SUMF1: variants seen among roughly 807,000 people sequenced by gnomAD.
SUMF1 encodes the protein formylglycine-generating enzyme.
In SUMF1, 48 loss-of-function variants were observed where a neutral mutation model predicts 47.6. The observed-to-expected ratio is 1.01, with a 90% CI of 0.80 to 1.28. The LOEUF is 1.28. SUMF1 is among the 50% of genes most tolerant of loss of function. The pLI is 0.00. For synonymous variants in SUMF1, 230 were observed against 192.1 expected, an observed-to-expected ratio of 1.20 and a Z score of -1.63; for missense variants, 571 against 485.4, an observed-to-expected ratio of 1.18 and a Z score of -1.66.
chr3:4,071,268 G>A (rs969101096), intron 8 of SUMF1, among the ~76,000 whole-genome samples: 1 of 152,108 alleles, frequency 6.6e-6, no homozygotes, highest in Non-Finnish European at 1.5e-5. Context: ...TTCCAACTGA[G>A]GAACCTGGTT....
chr3:4,452,613 C>T (rs1703010781), intron 2 of SUMF1, among the ~76,000 whole-genome samples: 1 of 152,174 alleles, frequency 6.6e-6, no homozygotes, highest in Non-Finnish European at 1.5e-5. Flanking sequence ...TCAAACTGGC[C>T]AGGCTGGAAT....
intron 8 of SUMF1, among the ~76,000 whole-genome samples, chr3:4,176,884 C>T (rs1694977192): frequency 6.6e-6 from 1 of 152,062 alleles, no homozygotes; most frequent in Non-Finnish European, 1.5e-5. Context: ...GCAGGGGTTG[C>T]AATCCTCATC....
chr3:4,274,903 A>G lies in SUMF1; in HGVS notation c.1014+101427T>C, dbSNP rs539181070. 4.6e-5 allele frequency among the ~76,000 whole-genome samples: 7 copies of G among 152,322 alleles called. No individual in the cohort carries two copies. In the East Asian group the frequency reaches 9.6e-4, roughly 21 times the overall value. On this transcript the variant is annotated intron_variant and NMD_transcript_variant, in intron 8 of 12. Coordinates refer to the SUMF1 transcript ENST00000448413. The stretch of plus-strand genomic sequence containing the variant: ...AAATATTTATTACGGAATAACACCA[A>G]TGAAAGGAGGGTCAAGGAAGCAGAA...
intron 8 of SUMF1, among the ~76,000 whole-genome samples, chr3:4,133,124 CCTT>C (rs1409176093): frequency 2.0e-5 from 3 of 152,190 alleles, no homozygotes; most frequent in South Asian, 2.1e-4. Context: ...ATGAGTACTT[CCTT>C]CTTCTTTTGT....
chr3:4,282,875 T>C (rs1033123620), intron 8 of SUMF1, among the ~76,000 whole-genome samples: 2 of 152,186 alleles, frequency 1.3e-5, no homozygotes, highest in African/African-American at 4.8e-5. Flanking sequence ...TTGACTACTC[T>C]GCTCAGTGAA....
At chr3:4,312,265 G>T (rs971886972) in intron 8 of SUMF1, among the ~76,000 whole-genome samples, 1 of 151,938 alleles carries the variant, frequency 6.6e-6, no homozygotes, top group African/African-American at 2.4e-5. Flanking sequence ...TCAGGTAAAG[G>T]TAAAAGAGAT....
intron 8 of SUMF1, among the ~76,000 whole-genome samples, chr3:4,349,554 A>C (rs1699443416): frequency 1.3e-5 from 2 of 152,224 alleles, no homozygotes; most frequent in Non-Finnish European, 1.5e-5. Flanking sequence ...TTGCAGCACT[A>C]TTTACGATAG....
chr3:4,454,435 G>A (rs1271055159), intron 1 of SUMF1, among the ~76,000 whole-genome samples: 1 of 152,196 alleles, frequency 6.6e-6, no homozygotes, highest in Non-Finnish European at 1.5e-5. Flanking sequence ...ACAACAACAA[G>A]TGCTGATGAG....
In SUMF1 at chr3:4,410,897, C is replaced by T; in HGVS notation, c.922G>A (p.Val308Ile). Reference protein sequence around the residue: ...AWEWTSDWWTVHHSVEETLNP... With the variant: ...AWEWTSDWWTIHHSVEETLNP... ...AGCGTTTCTTCAACAGAATGATGAA[C>T]AGTCCACCAGTCTGAAGTCCATTCC... The change falls in exon 7 of 9, where the codon GTT becomes ATT. Residue 308 changes from valine (V) to isoleucine (I), a missense_variant. Val to Ile is a conservative substitution (Grantham distance 29, BLOSUM62 3). Coordinates refer to ENST00000272902, the MANE Select transcript of SUMF1 (RefSeq NM_182760.4). The T allele has an allele frequency of 6.2e-7, 1 of 1,614,054 alleles. No individual in the cohort carries two copies. The highest frequency in any genetic ancestry group is 8.5e-7 in the Non-Finnish European group (1 of 1,179,922).
intron 1 of SUMF1, among the ~76,000 whole-genome samples, chr3:4,464,195 C>G (rs887458890): frequency 3.9e-5 from 6 of 152,220 alleles, no homozygotes; most frequent in Admixed American, 6.5e-5. Context: ...ATACTATTCT[C>G]CTTCTTGGAA....
At chr3:4,369,047 G>GT (rs1167016301) in intron 8 of SUMF1, among the ~76,000 whole-genome samples, 5,833 of 58,960 alleles carry the variant, frequency 0.099, 309 homozygotes, top group African/African-American at 0.24. Context: ...CATGCAAAAG[G>GT]TTTTTTTTTT....
intron 8 of SUMF1, among the ~76,000 whole-genome samples, chr3:4,245,647 T>A (rs937489218): frequency 3.5e-4 from 54 of 152,248 alleles, no homozygotes; most frequent in Admixed American, 2.0e-3. Context: ...GTATGAGGTG[T>A]CTGTCAGCCC....
chr3:4,210,355 A>T (rs1168516153), intron 8 of SUMF1, among the ~76,000 whole-genome samples: 2 of 152,182 alleles, frequency 1.3e-5, no homozygotes, highest in Non-Finnish European at 2.9e-5. Context: ...AAAAAGAACA[A>T]AACTTGAGGA....
At chr3:4,321,496 AAAAG>A (rs201067894) in intron 8 of SUMF1, among the ~76,000 whole-genome samples, 92 of 149,244 alleles carry the variant, frequency 6.2e-4, no homozygotes, top group African/African-American at 2.1e-3. Context: ...AAAAAAAAGA[AAAAG>A]AAAGAAACCT....
chr3:4,397,054 T>C (rs1701061306), intron 7 of SUMF1, among the ~76,000 whole-genome samples: 1 of 152,228 alleles, frequency 6.6e-6, no homozygotes, highest in Non-Finnish European at 1.5e-5. Context: ...TGGAATGCAG[T>C]AGACTGCTAG....
At chr3:4,235,113 C>G (rs184419536) in intron 8 of SUMF1, among the ~76,000 whole-genome samples, 2 of 152,212 alleles carry the variant, frequency 1.3e-5, no homozygotes, top group East Asian at 3.9e-4. Context: ...TGAGAAACAA[C>G]AGTGGGCTGG....
At chr3:4,417,620 G>T (rs374871968) in intron 5 of SUMF1, among the ~76,000 whole-genome samples, 21 of 152,322 alleles carry the variant, frequency 1.4e-4, no homozygotes, top group African/African-American at 5.1e-4. Context: ...TTTCCTAGAA[G>T]ATGTGAACCC....
intron 8 of SUMF1, among the ~76,000 whole-genome samples, chr3:4,253,411 T>G (rs957885504): frequency 9.2e-5 from 14 of 152,148 alleles, no homozygotes; most frequent in African/African-American, 3.4e-4. Context: ...GCGTGCACCG[T>G]GCACGAGCGG....
rs147195504 is a variant in SUMF1, at chr3:4,181,270, G to A, written c.1015-112525C>T. On this transcript the variant is annotated intron_variant and NMD_transcript_variant, in intron 8 of 12. Transcript: ENST00000448413. ...CTCAGGGGAGCCTTCACCTCCTCAC[G>A]TCTACCTCCTTCCTCATTCCTAGTT... 1.1e-3 allele frequency among the ~76,000 whole-genome samples: 167 copies of A among 152,192 alleles called. 1 individual carries two copies. The highest frequency in any genetic ancestry group is 6.2e-3 in the Admixed American group (94 of 15,268).
Sources: allele counts gnomAD v4.1 joint callset (sites outside exome capture counted in the v4.1 genomes callset), GRCh38; gene constraint gnomAD v4.1.1; transcripts MANE v1.5; gene names NCBI Gene and HGNC (gene_info 2026-07-23, HGNC 2026-07-21).